Variants in HACL1 observed in about 807,000 individuals in gnomAD.
HACL1 encodes the protein 1600020H07Rik.
Under a neutral mutation model 74.2 loss-of-function variants are expected in HACL1, and 64 were observed. That is an observed-to-expected ratio of 0.86 (90% CI 0.70 to 1.06). The LOEUF is 1.06. Ranked by LOEUF, HACL1 falls within the 50% of genes least tolerant of loss-of-function variation. The pLI, the probability that HACL1 is intolerant of heterozygous loss-of-function variation, is 0.00. For synonymous variants in HACL1, 230 were observed against 238.8 expected, an observed-to-expected ratio of 0.96 and a Z score of 0.34; for missense variants, 728 against 719.7, an observed-to-expected ratio of 1.01 and a Z score of -0.13.
chr3:15,575,421 A>G (rs903022794), intron 9 of HACL1, among the ~76,000 whole-genome samples: 1 of 152,222 alleles, frequency 6.6e-6, no homozygotes, highest in Admixed American at 6.5e-5. Context: ...AAATCACCCC[A>G]TAATACTTTC....
intron 4 of HACL1, among the ~76,000 whole-genome samples, chr3:15,591,187 T>C (rs1036082572): frequency 2.6e-5 from 4 of 152,228 alleles, no homozygotes; most frequent in Non-Finnish European, 4.4e-5. Flanking sequence ...ATATGATATT[T>C]TGATGTACAT....
chr3:15,579,752 A>C, intron 9 of HACL1, 158 bp downstream of exon 9: 1 of 584,062 alleles, frequency 1.7e-6, no homozygotes, highest in Non-Finnish European at 3.0e-6. Context: ...CAGATTTCTC[A>C]TATGAAATGA....
Position 15,560,720 on chromosome 3 carries a change from T to G in HACL1, c.*145A>C, listed in dbSNP as rs2063333189. The G allele has an allele frequency of 4.5e-6, 3 of 669,124 alleles. No homozygotes were observed. Among genetic ancestry groups the G allele is most frequent in the Non-Finnish European group, 8.0e-6 (3 of 375,166 alleles). 41.4% of individuals were successfully genotyped at this position (669,124 alleles called of 1,614,324 possible). A position where few individuals can be genotyped will look rare whatever the true frequency, so the allele number is the denominator to read the frequency against. On this transcript the variant is annotated 3_prime_UTR_variant, in exon 17 of 17. Transcript: ENST00000321169. Reference sequence around the variant, plus strand: ...TTACTTTTTCTAACTTTTTCTGTTTTTAATCAATTCCTTTACTGTAAAATG... The same window carrying G: ...TTACTTTTTCTAACTTTTTCTGTTTGTAATCAATTCCTTTACTGTAAAATG...
chr3:15,580,442 T>C (rs1433791291), intron 8 of HACL1, among the ~76,000 whole-genome samples: 1 of 152,172 alleles, frequency 6.6e-6, no homozygotes, highest in Non-Finnish European at 1.5e-5. Context: ...CTTCTGCCTA[T>C]ACCTGGGCTT....
At chr3:15,560,935 A>G (rs745655335) in intron 16 of HACL1, 38 bp from the exon 17 acceptor site, 2 of 1,481,440 alleles carry the variant, frequency 1.4e-6, no homozygotes, top group Non-Finnish European at 1.9e-6. Context: ...GTCAAAAGAA[A>G]TGATTGTCTC....
At chr3:15,584,372 AAGGTCAGG>A (rs945260724) in intron 7 of HACL1, among the ~76,000 whole-genome samples, 82 of 152,194 alleles carry the variant, frequency 5.4e-4, no homozygotes, top group African/African-American at 1.7e-3. Context: ...GGTGGATCAC[AAGGTCAGG>A]AGTTCGAGAC....
At position 15,569,052 on chromosome 3, in the gene HACL1, T is replaced by C. The variant is rs534175497; in HGVS notation, c.1096-466A>G. 2.1e-3 allele frequency among the ~76,000 whole-genome samples: 317 copies of C among 152,250 alleles called. 1 individual carries two copies. The highest frequency in any genetic ancestry group is 7.3e-3 in the African/African-American group (305 of 41,552). ...GAATACAATCTGAAAATCTAGTTTTTCCCCCAACACACTTAAGAGTTAAAG... is the reference window on the plus strand; with the variant it reads ...GAATACAATCTGAAAATCTAGTTTTCCCCCCAACACACTTAAGAGTTAAAG... On this transcript the variant is annotated intron_variant, in intron 12 of 16. Transcript: ENST00000321169.
chr3:15,577,138 T>C (rs1469746135), intron 9 of HACL1, among the ~76,000 whole-genome samples: 2 of 152,092 alleles, frequency 1.3e-5, no homozygotes, highest in Admixed American at 6.6e-5. Flanking sequence ...AAATACAACA[T>C]ATTAAGATAG....
In HACL1 at chr3:15,596,917, T is replaced by G. The variant is rs1574949999; in HGVS notation, c.187-493A>C. The stretch of plus-strand genomic sequence containing the variant: ...ATTTGCTTTTCTTTTTCTAGCTTCT[T>G]AAAATACAAATTTAGAACACTGGTT... On this transcript the variant is annotated intron_variant, in intron 2 of 16. Coordinates refer to ENST00000321169, the MANE Select transcript of HACL1 (RefSeq NM_012260.4). 2.0e-5 allele frequency among the ~76,000 whole-genome samples: 3 copies of G among 152,166 alleles called. No homozygotes were observed. The East Asian group carries it at 5.8e-4, about 29-fold the overall frequency.
In HACL1 at chr3:15,601,374, C is replaced by T. The variant is rs1466047910; in HGVS notation, c.81+9G>A. On this transcript the variant is annotated intron_variant, in intron 1 of 16. Transcript: ENST00000321169. ...TAGGAGCCTTTCATTCCAGGAAGGTCCATCGTACTTGCGTTTTCAGGGCCT... is the reference window on the plus strand; with the variant it reads ...TAGGAGCCTTTCATTCCAGGAAGGTTCATCGTACTTGCGTTTTCAGGGCCT... 1.2e-6 allele frequency: 2 copies of T among 1,613,986 alleles called. No individual in the cohort carries two copies. The highest frequency in any genetic ancestry group is 1.7e-6 in the Non-Finnish European group (2 of 1,180,020).
intron 10 of HACL1, among the ~76,000 whole-genome samples, 163 bp from the exon 11 acceptor site, chr3:15,573,405 T>A (rs577999469): frequency 6.6e-6 from 1 of 152,248 alleles, no homozygotes; most frequent in African/African-American, 2.4e-5. Flanking sequence ...CATAGAACTA[T>A]ATTAGTATCA....
chr3:15,576,599 C>A (rs1177715067), intron 9 of HACL1, among the ~76,000 whole-genome samples: 2 of 152,190 alleles, frequency 1.3e-5, no homozygotes, highest in Non-Finnish European at 2.9e-5. Context: ...TCTTATAACA[C>A]ATACAGTTGC....
At chr3:15,599,510 T>TA (rs59029536) in intron 2 of HACL1, among the ~76,000 whole-genome samples, 21,546 of 144,924 alleles carry the variant, frequency 0.15, 1,594 homozygotes, top group East Asian at 0.18. Flanking sequence ...TGCCTACTGT[T>TA]AAAAAAAAAA....
chr3:15,578,416 G>C (rs987794545), intron 9 of HACL1, among the ~76,000 whole-genome samples: 1 of 152,168 alleles, frequency 6.6e-6, no homozygotes, highest in Non-Finnish European at 1.5e-5. Context: ...TCCAATGCCA[G>C]CCAAGATTGG....
intron 2 of HACL1, 140 bp from the exon 3 acceptor site, chr3:15,596,564 T>C: frequency 1.7e-6 from 1 of 599,432 alleles, no homozygotes; most frequent in Admixed American, 3.2e-5. Flanking sequence ...TAATAAATGT[T>C]CTACACATAA....
In HACL1 at chr3:15,592,208, G is replaced by A. The variant is rs55640507; in HGVS notation, c.228-528C>T. On this transcript the variant is annotated intron_variant, in intron 3 of 16. Transcript: ENST00000321169. The stretch of plus-strand genomic sequence containing the variant: ...TATACATACGTATATATGTATACAT[G>A]CGTGTATATATGTATACATACGTAT... Among the ~76,000 whole-genome samples the A allele has an allele frequency of 2.0e-4, 24 of 122,646 alleles. 1 individual carries two copies. Among genetic ancestry groups the A allele is most frequent in the Middle Eastern group, 4.4e-3 (1 of 228 alleles). The allele number at this position is 122,646 out of a possible 152,430, so 80.5% of individuals were successfully genotyped here.
At chr3:15,575,211 G>C (rs2063602498) in intron 9 of HACL1, 129 bp from the exon 10 acceptor site, 2 of 500,582 alleles carry the variant, frequency 4.0e-6, no homozygotes, top group Admixed American at 6.6e-5. Context: ...CAGCTTCTAG[G>C]GTATATTTGA....
chr3:15,574,876 T>A lies in HACL1; in HGVS notation c.909+101A>T, dbSNP rs2063595551. The A allele has an allele frequency of 9.3e-6, 5 of 535,186 alleles. No homozygotes were observed. The East Asian group carries it at 1.4e-4, about 15-fold the overall frequency. The allele number at this position is 535,186 out of a possible 1,614,324, so 33.2% of individuals were successfully genotyped here. On this transcript the variant is annotated intron_variant, in intron 10 of 16. Transcript: ENST00000321169. ...TCTACTTGTGTAAAAAGAGAACAGTTTTTTTAATAGTAATCAAGAAGATAA... is the reference window on the plus strand; with the variant it reads ...TCTACTTGTGTAAAAAGAGAACAGTATTTTTAATAGTAATCAAGAAGATAA...
intron 2 of HACL1, among the ~76,000 whole-genome samples, chr3:15,597,707 C>T (rs2064093880): frequency 1.4e-5 from 2 of 147,900 alleles, no homozygotes; most frequent in Admixed American, 6.7e-5. Flanking sequence ...TGAGAACCTG[C>T]ACAAAGACTC....
Sources: allele counts gnomAD v4.1 joint callset (sites outside exome capture counted in the v4.1 genomes callset), GRCh38; gene constraint gnomAD v4.1.1; transcripts MANE v1.5; gene names NCBI Gene and HGNC (gene_info 2026-07-23, HGNC 2026-07-21).